The following IDE variants were observed in gnomAD, a reference collection of about 807,000 sequenced individuals.
IDE encodes the protein insulin degrading enzyme, also known as insulin-degrading enzyme.
In IDE, 58 loss-of-function variants were observed where a neutral mutation model predicts 133.2. The ratio of observed to expected loss-of-function variants is 0.44; its 90% CI spans 0.35 to 0.54. The LOEUF is 0.54. IDE is among the 20% of genes least tolerant of loss of function. The pLI is 0.00. For missense variants in IDE, 981 were observed against 1,234.0 expected (o/e 0.79, Z 3.07); for synonymous variants, 396 against 421.3 (o/e 0.94, Z 0.73).
chr10:92,456,043 G>A lies in IDE; in HGVS notation c.2896+316C>T, dbSNP rs533727074. ...CTTTGGCCAGTAAAAGCCAGGAAAC[G>A]AAAGGACTGGGAAGTTAACTTGCTT... On this transcript the variant is annotated intron_variant, in intron 23 of 24. Coordinates refer to ENST00000265986, the MANE Select transcript of IDE (RefSeq NM_004969.4). Among the ~76,000 whole-genome samples, 7 of 152,314 alleles carry A rather than the reference G, an allele frequency of 4.6e-5. No homozygotes were observed. In the South Asian group the frequency reaches 6.2e-4, roughly 14 times the overall value.
chr10:92,455,123 G>A (rs1397250486), intron 24 of IDE, among the ~76,000 whole-genome samples: 1 of 152,102 alleles, frequency 6.6e-6, no homozygotes, highest in Non-Finnish European at 1.5e-5. Context: ...AACTAAAGTA[G>A]AAGCTCCAAC....
chr10:92,525,078 TG>T, intron 4 of IDE, among the ~76,000 whole-genome samples: 1 of 152,110 alleles, frequency 6.6e-6, no homozygotes, highest in East Asian at 1.9e-4. Context: ...CTTGCCAACA[TG>T]GCAAAACACA....
rs1165598095 is a variant in IDE at position 92,526,845 on chromosome 10, CAAAAAA to C, written c.661+4897_661+4902del. 9.6e-4 allele frequency among the ~76,000 whole-genome samples: 52 copies of C among 54,284 alleles called. 1 individual carries two copies. The East Asian group carries it at 0.026, about 28-fold the overall frequency. 35.6% of individuals were successfully genotyped at this position (54,284 alleles called of 152,430 possible). ...TGGGCAACAGGGTGAGGCCCTGTCT[CAAAAAA>C]AAAAAAAAAAAAAAAAAAGGACAGG... On this transcript the variant is annotated intron_variant, in intron 4 of 24. Coordinates refer to ENST00000265986, the MANE Select transcript of IDE (RefSeq NM_004969.4).
Position 92,453,701 on chromosome 10 carries a change from A to AC in IDE, c.*742dup, listed in dbSNP as rs1437468158. On this transcript the variant is annotated 3_prime_UTR_variant, in exon 25 of 25. Coordinates refer to ENST00000265986, the MANE Select transcript of IDE (RefSeq NM_004969.4). ...TGAGGAAAAGTAAAACTCATGGAAC[A>AC]CTGCAAACCAACTATGAAGAAGTAG... is the stretch of plus-strand genomic sequence containing the variant. 7 of 152,224 alleles carry AC rather than the reference A, an allele frequency of 4.6e-5. No homozygotes were observed. The highest frequency in any genetic ancestry group is 1.7e-4 in the African/African-American group (7 of 41,462). The allele number at this position is 152,224 out of a possible 1,614,324, so 9.4% of individuals were successfully genotyped here.
At chr10:92,487,367 G>A (rs760882385) in intron 12 of IDE, 49 bp from the exon 13 acceptor site, 1 of 1,504,516 alleles carries the variant, frequency 6.6e-7, no homozygotes, top group Non-Finnish European at 9.1e-7. Flanking sequence ...TGATTTAAGA[G>A]TTTAAAATAG....
At chr10:92,563,882 G>C (rs1843398039) in intron 1 of IDE, among the ~76,000 whole-genome samples, 1 of 152,148 alleles carries the variant, frequency 6.6e-6, no homozygotes, top group South Asian at 2.1e-4. Flanking sequence ...GTCTCACAAA[G>C]GATATCCCTG....
At chr10:92,540,323 A>G (rs377429485) in intron 1 of IDE, among the ~76,000 whole-genome samples, 2 of 152,236 alleles carry the variant, frequency 1.3e-5, no homozygotes, top group African/African-American at 4.8e-5. Flanking sequence ...AAATGCCTTC[A>G]GTGTGTACAC....
At chr10:92,498,665 G>A (rs1470866284) in intron 11 of IDE, among the ~76,000 whole-genome samples, 1 of 152,204 alleles carries the variant, frequency 6.6e-6, no homozygotes, top group Non-Finnish European at 1.5e-5. Flanking sequence ...GCTGAGGCAG[G>A]AGAATTGTCT....
At chr10:92,528,474 A>C (rs2135652655) in intron 4 of IDE, among the ~76,000 whole-genome samples, 1 of 151,334 alleles carries the variant, frequency 6.6e-6, no homozygotes, top group South Asian at 2.1e-4. Flanking sequence ...AAAAAAAAAA[A>C]CAGAATATAA....
intron 4 of IDE, 128 bp downstream of exon 4, chr10:92,531,620 T>C (rs1197392474): frequency 8.6e-6 from 3 of 349,258 alleles, no homozygotes; most frequent in Non-Finnish European, 1.5e-5. Context: ...AAATATGCCA[T>C]GAACTGTATA....
At chr10:92,507,425 AACTAAT>A (rs1296626619) in intron 9 of IDE, 144 bp downstream of exon 9, 4 of 615,622 alleles carry the variant, frequency 6.5e-6, no homozygotes, top group South Asian at 4.0e-5. Flanking sequence ...ACTAAGCCTT[AACTAAT>A]ACTATTATAC....
At chr10:92,554,889 A>T (rs1455598449) in intron 1 of IDE, 2 of 152,178 alleles carry the variant, frequency 1.3e-5, no homozygotes, top group Non-Finnish European at 2.9e-5. Context: ...ACCTCTTCAC[A>T]GATAGCTTTC....
intron 1 of IDE, among the ~76,000 whole-genome samples, chr10:92,565,559 A>G (rs1843496612): frequency 6.6e-6 from 1 of 151,860 alleles, no homozygotes. Context: ...CTCTCCAACT[A>G]TGTTTCCTTC....
intron 1 of IDE, among the ~76,000 whole-genome samples, chr10:92,542,581 C>A (rs1842359560): frequency 6.6e-6 from 1 of 152,236 alleles, no homozygotes; most frequent in Non-Finnish European, 1.5e-5. Flanking sequence ...TGAGACACTA[C>A]ACCCAGCCCA....
At chr10:92,536,354 GC>G (rs1412776867) in intron 2 of IDE, among the ~76,000 whole-genome samples, 1 of 143,478 alleles carries the variant, frequency 7.0e-6, no homozygotes, top group African/African-American at 2.6e-5. Flanking sequence ...CTGCACTCCA[GC>G]CCGGACGACA....
At chr10:92,510,246 A>C (rs552116821) in intron 5 of IDE, 84 bp from the exon 6 acceptor site, 2 of 694,296 alleles carry the variant, frequency 2.9e-6, no homozygotes, top group South Asian at 3.7e-5. Flanking sequence ...GGATCTCCTG[A>C]AAAGTCTCAG....
chr10:92,531,137 A>G (rs1204874615), intron 4 of IDE, among the ~76,000 whole-genome samples: 1 of 152,190 alleles, frequency 6.6e-6, no homozygotes. Context: ...TTTACTCTAA[A>G]TGCTTTTGTA....
Position 92,456,431 on chromosome 10 carries a change from C to T in IDE, c.2824G>A (p.Glu942Lys). The part of the protein sequence containing the change: ...TKEDIIKFYK[E>K]MLAVDAPRRH... ...CTTGGAGCATCTACTGCCAACATTT[C>T]CTAGGCACAAAGAAGAGCAGGGTCA... is the stretch of plus-strand genomic sequence containing the variant. The change falls in exon 23 of 25, where the codon GAA becomes AAA. Residue 942 changes from glutamate (E) to lysine (K), a missense_variant and splice_region_variant. Around this residue, in one of 2 missense-constraint regions of IDE, gnomAD observed 660 missense variants for 894.7 expected, o/e 0.74. Transcript: ENST00000265986. 2 of 1,611,972 alleles carry T rather than the reference C, an allele frequency of 1.2e-6. No homozygotes were observed. The highest frequency in any genetic ancestry group is 1.7e-5 in the Admixed American group (1 of 60,010).
At chr10:92,524,391 TTATATAA>T (rs1226841138) in intron 4 of IDE, among the ~76,000 whole-genome samples, 4 of 83,088 alleles carry the variant, frequency 4.8e-5, no homozygotes, top group Admixed American at 2.2e-4. Flanking sequence ...ATAATATATT[TTATATAA>T]TATATAATAT....
Sources: gnomAD v4.1 joint callset for allele counts (sites outside exome capture counted in the v4.1 genomes callset) on GRCh38, gnomAD v4.1.1 for gene constraint, gnomAD v4.1.1 regional missense constraint, MANE v1.5 for transcripts, NCBI Gene and HGNC (gene_info 2026-07-23, HGNC 2026-07-21) for gene names.